Variants in PSD3 observed in about 807,000 individuals in gnomAD.
PSD3 encodes the protein PH and SEC7 domain-containing protein 3.
A neutral mutation model predicts 105.5 loss-of-function variants in PSD3; 49 were observed. The ratio of observed to expected loss-of-function variants is 0.46; its 90% confidence interval spans 0.37 to 0.59. The LOEUF (loss-of-function observed/expected upper bound fraction) is 0.59, where lower values mean the gene tolerates loss of function less well. Ranked by LOEUF, PSD3 falls within the 20% of genes least tolerant of loss-of-function variation. The pLI is 0.00. For synonymous variants in PSD3, 557 were observed against 457.8 expected, an observed-to-expected ratio of 1.22 and a Z score of -2.77; for missense variants, 1,561 against 1,263.8, an observed-to-expected ratio of 1.24 and a Z score of -3.57.
rs116925382 is a variant in PSD3, at chr8:18,557,212, T to C, written c.2785-860A>G. 1.9e-3 allele frequency among the ~76,000 whole-genome samples: 284 copies of C among 152,326 alleles called. 2 individuals are homozygous for C. The highest frequency in any genetic ancestry group is 3.1e-3 in the Non-Finnish European group (210 of 68,034). Reference sequence around the variant, plus strand: ...TACTGTTCTAGTTTCACATGCAAATTATCCAAATTTCACAGGTACAATAAG... The same window carrying C: ...TACTGTTCTAGTTTCACATGCAAATCATCCAAATTTCACAGGTACAATAAG... On this transcript the variant is annotated intron_variant, in intron 14 of 15. Transcript: ENST00000327040.
At chr8:18,685,464 T>C (rs1410417642) in intron 9 of PSD3, among the ~76,000 whole-genome samples, 1 of 152,024 alleles carries the variant, frequency 6.6e-6, no homozygotes. Context: ...ACTTAGTGCT[T>C]CTATTGTGCT....
At chr8:19,058,142 G>A (rs1828772100) in intron 1 of PSD3, among the ~76,000 whole-genome samples, 1 of 152,172 alleles carries the variant, frequency 6.6e-6, no homozygotes, top group African/African-American at 2.4e-5. Flanking sequence ...TAACTTGGTT[G>A]AATCTCAAAA....
chr8:18,593,596 C>G (rs959740474), intron 12 of PSD3, among the ~76,000 whole-genome samples: 59 of 152,184 alleles, frequency 3.9e-4, no homozygotes, highest in African/African-American at 1.3e-3. Flanking sequence ...ACTAGAAATA[C>G]CATTTGACCC....
chr8:18,860,679 C>T (rs1438994119), intron 4 of PSD3, among the ~76,000 whole-genome samples: 1 of 152,044 alleles, frequency 6.6e-6, no homozygotes, highest in Non-Finnish European at 1.5e-5. Context: ...CTTTTTTCCT[C>T]CCCAAAACAA....
At chr8:18,939,056 C>T (rs1448845642) in intron 1 of PSD3, among the ~76,000 whole-genome samples, 1 of 152,162 alleles carries the variant, frequency 6.6e-6, no homozygotes, top group Non-Finnish European at 1.5e-5. Flanking sequence ...GAATCCATTA[C>T]AGGGGTGCTA....
chr8:18,719,108 G>C, intron 9 of PSD3, among the ~76,000 whole-genome samples: 1 of 152,182 alleles, frequency 6.6e-6, no homozygotes, highest in Admixed American at 6.5e-5. Context: ...AGGTGGCTGT[G>C]ACTTCGGATA....
At chr8:19,079,883 GA>G (rs1170348495) in intron 1 of PSD3, among the ~76,000 whole-genome samples, 1 of 142,910 alleles carries the variant, frequency 7.0e-6, no homozygotes, top group Non-Finnish European at 1.5e-5. Flanking sequence ...TGAGATAGAA[GA>G]AAATAGCTTT....
At chr8:18,623,160 C>A (rs1806238520) in intron 11 of PSD3, among the ~76,000 whole-genome samples, 1 of 152,050 alleles carries the variant, frequency 6.6e-6, no homozygotes, top group Non-Finnish European at 1.5e-5. Flanking sequence ...GCTGGGATTA[C>A]AGGCGTGAGC....
At chr8:18,536,023 C>T in intron 15 of PSD3, 65 bp from the exon 16 acceptor site, 1 of 1,454,320 alleles carries the variant, frequency 6.9e-7, no homozygotes, top group Non-Finnish European at 9.6e-7. Context: ...GTGCAGCACA[C>T]TTGTGTATTA....
intron 2 of PSD3, among the ~76,000 whole-genome samples, chr8:18,888,831 C>T (rs942349940): frequency 6.6e-6 from 1 of 152,146 alleles, no homozygotes; most frequent in Non-Finnish European, 1.5e-5. Context: ...ACCGCTCCTT[C>T]CAAGGGGAGG....
At chr8:18,719,985 C>CA (rs1802849067) in intron 9 of PSD3, among the ~76,000 whole-genome samples, 1 of 152,016 alleles carries the variant, frequency 6.6e-6, no homozygotes, top group South Asian at 2.1e-4. Flanking sequence ...TATCGAAACC[C>CA]AAAAAGGTAA....
At chr8:18,751,230 T>C (rs151157085) in intron 9 of PSD3, among the ~76,000 whole-genome samples, 24,338 of 152,222 alleles carry the variant, frequency 0.16, 3,683 homozygotes, top group African/African-American at 0.39. Flanking sequence ...AGCACAGCGC[T>C]GGTGGGCCGG....
rs73666686 is a variant in PSD3, at chr8:18,658,167, C to T, written c.2173-2482G>A. Among the ~76,000 whole-genome samples the T allele has an allele frequency of 7.0e-3, 1,064 of 152,206 alleles. 16 individuals are homozygous for T. The highest frequency in any genetic ancestry group is 0.025 in the African/African-American group (1,021 of 41,504). ...GAATAGAATTTTTTTTGTAGCATGC[C>T]GAATCCAGACAGTGGGTGTCATCCC... is the stretch of plus-strand genomic sequence containing the variant. On this transcript the variant is annotated intron_variant, in intron 9 of 15. Coordinates refer to ENST00000327040, the MANE Select transcript of PSD3 (RefSeq NM_015310.4).
intron 12 of PSD3, among the ~76,000 whole-genome samples, chr8:18,587,952 G>C (rs1803316344): frequency 6.6e-6 from 1 of 152,142 alleles, no homozygotes; most frequent in Non-Finnish European, 1.5e-5. Context: ...CTTCCAACCA[G>C]GGGGACGGAT....
chr8:18,605,012 T>G (rs1049222547), intron 11 of PSD3, among the ~76,000 whole-genome samples: 4 of 152,204 alleles, frequency 2.6e-5, no homozygotes. Context: ...AATTCCCTAC[T>G]AGGGCAGTGT....
intron 1 of PSD3, among the ~76,000 whole-genome samples, chr8:19,052,038 A>T (rs189174142): frequency 2.6e-5 from 4 of 152,354 alleles, no homozygotes; most frequent in African/African-American, 9.6e-5. Context: ...CAGGGTCCAC[A>T]ATTTGCCCAA....
At chr8:18,595,638 T>A (rs893529702) in intron 12 of PSD3, among the ~76,000 whole-genome samples, 1 of 152,084 alleles carries the variant, frequency 6.6e-6, no homozygotes, top group Non-Finnish European at 1.5e-5. Context: ...GCCATACTTA[T>A]ATTATACAAA....
intron 8 of PSD3, among the ~76,000 whole-genome samples, chr8:18,787,192 T>G (rs1184953828): frequency 2.2e-4 from 34 of 152,214 alleles, no homozygotes; most frequent in Admixed American, 2.2e-3. Flanking sequence ...CAAATTAGTT[T>G]TGGATAACTT....
At chr8:18,820,813 G>C (rs370144640) in intron 4 of PSD3, among the ~76,000 whole-genome samples, 12 of 152,232 alleles carry the variant, frequency 7.9e-5, no homozygotes, top group African/African-American at 2.6e-4. Context: ...ACCCAGGCTG[G>C]AGTGCAGTGG....
Sources: gnomAD v4.1 joint callset for allele counts (sites outside exome capture counted in the v4.1 genomes callset) on GRCh38, gnomAD v4.1.1 for gene constraint, MANE v1.5 for transcripts, NCBI Gene and HGNC (gene_info 2026-07-23, HGNC 2026-07-21) for gene names.